The following SLC26A4 variants were observed in gnomAD, a reference collection of about 807,000 sequenced individuals.
SLC26A4 encodes the protein pendrin.
A neutral mutation model predicts 90.4 loss-of-function variants in SLC26A4; 93 were observed. The observed-to-expected ratio is 1.03, with a 90% CI of 0.87 to 1.22. The LOEUF (loss-of-function observed/expected upper bound fraction) is 1.22. Ranked by LOEUF, SLC26A4 falls within the 50% of genes most tolerant of loss-of-function variation. The probability of loss-of-function intolerance (pLI) is 0.00; values close to 1 mark genes in which losing one functional copy is unlikely to be tolerated. For synonymous variants in SLC26A4, 393 were observed against 354.6 expected (o/e 1.11, Z -1.22); for missense variants, 1,127 against 946.2 (o/e 1.19, Z -2.51).
chr7:107,690,576 C>T (rs1355417396), intron 10 of SLC26A4, among the ~76,000 whole-genome samples: 1 of 152,098 alleles, frequency 6.6e-6, no homozygotes, highest in Non-Finnish European at 1.5e-5. Context: ...GACAGATGGC[C>T]TGGTAAAAGC....
chr7:107,687,242 G>A (rs577394799), intron 8 of SLC26A4, among the ~76,000 whole-genome samples: 6 of 152,138 alleles, frequency 3.9e-5, no homozygotes, highest in South Asian at 2.1e-4. Context: ...CAGGCCCACT[G>A]AGCAAAAAAT....
intron 4 of SLC26A4, 46 bp downstream of exon 4, chr7:107,672,294 T>C (rs749264006): frequency 4.6e-6 from 6 of 1,305,502 alleles, no homozygotes; most frequent in South Asian, 1.2e-5. Flanking sequence ...ATGTTTAAAG[T>C]GTTTTGGCTA....
At chr7:107,691,521 AC>A (rs1429998338) in intron 10 of SLC26A4, among the ~76,000 whole-genome samples, 20 of 86,566 alleles carry the variant, frequency 2.3e-4, no homozygotes, top group African/African-American at 6.9e-4. Flanking sequence ...ATATACACAC[AC>A]ACACACACAC....
intron 6 of SLC26A4, among the ~76,000 whole-genome samples, chr7:107,677,279 C>T (rs532715496): frequency 1.3e-5 from 2 of 152,268 alleles, no homozygotes; most frequent in East Asian, 3.9e-4. Flanking sequence ...TGGTTCTCCA[C>T]CCACTACCCA....
Position 107,677,608 on chromosome 7 carries a change from A to ATTT in SLC26A4, c.765+2512_765+2514dup, listed in dbSNP as rs770690458. 1.5e-4 allele frequency among the ~76,000 whole-genome samples: 21 copies of ATTT among 143,406 alleles called. 1 individual carries two copies. Among genetic ancestry groups the ATTT allele is most frequent in the African/African-American group, 4.8e-4 (19 of 39,274 alleles). 94.1% of individuals were successfully genotyped at this position (143,406 alleles called of 152,430 possible). On this transcript the variant is annotated intron_variant, in intron 6 of 20. Coordinates refer to ENST00000644269, the MANE Select transcript of SLC26A4 (RefSeq NM_000441.2). The stretch of plus-strand genomic sequence containing the variant: ...ATCCTCAGTTTTCTATTAAAAAAGA[A>ATTT]TTTTTTTTTTTTTTTGAGACAGGGT...
chr7:107,675,574 C>CTT (rs563755979), intron 6 of SLC26A4, among the ~76,000 whole-genome samples: 15 of 131,000 alleles, frequency 1.1e-4, no homozygotes, highest in African/African-American at 3.4e-4. Flanking sequence ...TTCTTTCTTT[C>CTT]TTTTTTTTTT....
intron 6 of SLC26A4, among the ~76,000 whole-genome samples, 176 bp downstream of exon 6, chr7:107,675,285 T>TAAAAA (rs60022317): frequency 2.1e-5 from 2 of 96,786 alleles, no homozygotes; most frequent in Non-Finnish European, 4.1e-5. Context: ...CCTCATCTCT[T>TAAAAA]AAAAAAAAAA....
At chr7:107,668,811 C>G (rs892378777) in intron 3 of SLC26A4, among the ~76,000 whole-genome samples, 2 of 152,164 alleles carry the variant, frequency 1.3e-5, no homozygotes, top group African/African-American at 4.8e-5. Flanking sequence ...TGCGTCCTCA[C>G]ATGGTGGAAG....
intron 16 of SLC26A4, 111 bp from the exon 17 acceptor site, chr7:107,701,716 G>A (rs1243596697): frequency 9.1e-6 from 7 of 769,822 alleles, no homozygotes; most frequent in Non-Finnish European, 1.1e-5. Context: ...TCATCTCCTT[G>A]ATGTCTTGCT....
intron 15 of SLC26A4, among the ~76,000 whole-genome samples, chr7:107,700,399 A>G (rs1791856053): frequency 6.6e-6 from 1 of 152,244 alleles, no homozygotes; most frequent in South Asian, 2.1e-4. Context: ...TAACTATGCC[A>G]GACAAAAACA....
At chr7:107,696,894 G>A (rs545578994) in intron 13 of SLC26A4, among the ~76,000 whole-genome samples, 4 of 152,234 alleles carry the variant, frequency 2.6e-5, no homozygotes, top group African/African-American at 9.6e-5. Context: ...TGCTTGGGCC[G>A]TGAAAGAAGA....
chr7:107,704,281 T>C (rs777765852), intron 17 of SLC26A4, 50 bp from the exon 18 acceptor site: 12 of 774,802 alleles, frequency 1.5e-5, no homozygotes, highest in Non-Finnish European at 2.8e-5. Flanking sequence ...TACTGAATTA[T>C]GGGCAGATAA....
At chr7:107,680,661 A>G (rs951564162) in intron 6 of SLC26A4, among the ~76,000 whole-genome samples, 3 of 151,846 alleles carry the variant, frequency 2.0e-5, no homozygotes, top group Non-Finnish European at 4.4e-5. Context: ...GCATGATGCA[A>G]TTCTGTAATA....
chr7:107,677,568 G>A (rs376361221), intron 6 of SLC26A4, among the ~76,000 whole-genome samples: 42 of 151,276 alleles, frequency 2.8e-4, no homozygotes, highest in African/African-American at 9.5e-4. Flanking sequence ...TTCTTGATAT[G>A]TTTTTTCCTG....
chr7:107,684,433 G>T (rs561530364), intron 8 of SLC26A4, among the ~76,000 whole-genome samples: 1 of 152,156 alleles, frequency 6.6e-6, no homozygotes, highest in East Asian at 1.9e-4. Context: ...GCTCTTAATA[G>T]AAACTTCCTC....
chr7:107,702,714 T>G (rs1791931359), intron 17 of SLC26A4, among the ~76,000 whole-genome samples: 1 of 151,354 alleles, frequency 6.6e-6, no homozygotes, highest in South Asian at 2.1e-4. Flanking sequence ...AATATCTGGT[T>G]CAAAGATACT....
intron 5 of SLC26A4, 31 bp downstream of exon 5, chr7:107,674,379 A>G (rs201830558): frequency 9.6e-6 from 14 of 1,465,616 alleles, no homozygotes; most frequent in Admixed American, 5.0e-5. Flanking sequence ...ATATAGATGG[A>G]TGTAATTTTT....
rs1792347906 is a variant in SLC26A4 at position 107,716,419 on chromosome 7, C to G, written c.*973C>G. Reference sequence around the variant, plus strand: ...AAAGTAAGTAATCTTTAACTGAACTCTGACCACTTAAAAAAAAATCTAAAA... The same window carrying G: ...AAAGTAAGTAATCTTTAACTGAACTGTGACCACTTAAAAAAAAATCTAAAA... On this transcript the variant is annotated 3_prime_UTR_variant, in exon 21 of 21. Transcript: ENST00000644269. The G allele has an allele frequency of 6.6e-6, 1 of 151,916 alleles. No homozygotes were observed. Among genetic ancestry groups the G allele is most frequent in the African/African-American group, 2.4e-5 (1 of 41,360 alleles). The allele number at this position is 151,916 out of a possible 1,614,324, so 9.4% of individuals were successfully genotyped here. A position where few individuals can be genotyped will look rare whatever the true frequency, so the allele number is the denominator to read the frequency against.
chr7:107,700,207 T>A, intron 15 of SLC26A4, 32 bp downstream of exon 15: 1 of 1,131,818 alleles, frequency 8.8e-7, no homozygotes, highest in South Asian at 1.2e-5. Context: ...ATTTGTTTTC[T>A]AACCTCTTTT....
Sources: gnomAD v4.1 joint callset for allele counts (sites outside exome capture counted in the v4.1 genomes callset) on GRCh38, gnomAD v4.1.1 for gene constraint, MANE v1.5 for transcripts, NCBI Gene and HGNC (gene_info 2026-07-23, HGNC 2026-07-21) for gene names.